AP2B1: variants seen among roughly 807,000 people sequenced by gnomAD.
AP2B1 encodes AP-2 complex subunit beta.
A neutral mutation model predicts 102.0 loss-of-function variants in AP2B1; 23 were observed. That is an observed-to-expected ratio of 0.23 (90% CI 0.16 to 0.32). AP2B1 has a LOEUF of 0.32. Ranked by LOEUF, AP2B1 falls within the 10% of genes least tolerant of loss-of-function variation. The pLI, the probability that AP2B1 is intolerant of heterozygous loss-of-function variation, is 1.00. For missense variants in AP2B1, 541 were observed against 1,157.4 expected, an observed-to-expected ratio of 0.47 and a Z score of 7.73; for synonymous variants, 381 against 421.2, an observed-to-expected ratio of 0.90 and a Z score of 1.17.
intron 13 of AP2B1, among the ~76,000 whole-genome samples, chr17:35,656,355 G>C (rs1286176675): frequency 2.0e-5 from 3 of 152,072 alleles, no homozygotes; most frequent in Non-Finnish European, 4.4e-5. Context: ...GTCCTACCTA[G>C]TCCTTTTAAC....
chr17:35,642,363 T>C (rs1051219474), intron 12 of AP2B1, among the ~76,000 whole-genome samples: 2 of 152,246 alleles, frequency 1.3e-5, no homozygotes, highest in African/African-American at 4.8e-5. Flanking sequence ...TGTTCTACCT[T>C]CCAGAGTAGT....
At chr17:35,664,529 A>G (rs913462463) in intron 14 of AP2B1, among the ~76,000 whole-genome samples, 2 of 152,164 alleles carry the variant, frequency 1.3e-5, no homozygotes, top group Non-Finnish European at 2.9e-5. Context: ...CCTTTTGGTG[A>G]TAATTTTCCC....
Position 35,656,156 on chromosome 17 carries a change from G to A in AP2B1, c.1797-1443G>A, listed in dbSNP as rs1418206329. Among the ~76,000 whole-genome samples the A allele has an allele frequency of 2.6e-5, 4 of 151,868 alleles. No individual in the cohort carries two copies. In the East Asian group the frequency reaches 7.7e-4, roughly 29 times the overall value. On this transcript the variant is annotated intron_variant, in intron 13 of 21. Coordinates refer to ENST00000610402, the MANE Select transcript of AP2B1 (RefSeq NM_001030006.2). The stretch of plus-strand genomic sequence containing the variant: ...TCTTTTGTGGCTACTGCTTTTTGTT[G>A]AAACCATTATCTTCTCCAAGCTTAT...
At chr17:35,679,197 C>T (rs922310168) in intron 17 of AP2B1, among the ~76,000 whole-genome samples, 3 of 152,222 alleles carry the variant, frequency 2.0e-5, no homozygotes, top group South Asian at 4.1e-4. Context: ...AGAACGTTTC[C>T]TTCTTTGCTC....
At chr17:35,643,163 A>G (rs2074832290) in intron 12 of AP2B1, among the ~76,000 whole-genome samples, 1 of 151,466 alleles carries the variant, frequency 6.6e-6, no homozygotes, top group Non-Finnish European at 1.5e-5. Context: ...AAATACACTC[A>G]CAATAGCTGA....
At chr17:35,613,547 A>G (rs1175183748) in intron 5 of AP2B1, among the ~76,000 whole-genome samples, 1 of 152,202 alleles carries the variant, frequency 6.6e-6, no homozygotes, top group Non-Finnish European at 1.5e-5. Context: ...ATCTCACTCT[A>G]TTAAGTCCTA....
chr17:35,626,580 A>C (rs1459239749), intron 6 of AP2B1, 41 bp from the exon 7 acceptor site: 3 of 1,463,994 alleles, frequency 2.0e-6, no homozygotes, highest in South Asian at 2.3e-5. Context: ...TCAGCAAATA[A>C]ATTATAATTC....
intron 14 of AP2B1, among the ~76,000 whole-genome samples, chr17:35,663,596 C>T (rs2075401953): frequency 6.6e-6 from 1 of 152,224 alleles, no homozygotes; most frequent in Non-Finnish European, 1.5e-5. Context: ...CTGGAGTACA[C>T]AGCAGAGTGC....
intron 17 of AP2B1, among the ~76,000 whole-genome samples, chr17:35,675,578 T>G (rs2075681220): frequency 6.6e-6 from 1 of 151,318 alleles, no homozygotes; most frequent in Non-Finnish European, 1.5e-5. Context: ...TCTGTTGTAA[T>G]AAAGGAAATC....
chr17:35,616,283 C>G (rs1233807811), intron 5 of AP2B1, among the ~76,000 whole-genome samples: 1 of 148,772 alleles, frequency 6.7e-6, no homozygotes, highest in Non-Finnish European at 1.5e-5. Context: ...TCATGCCTCA[C>G]ACTTCTGAGT....
intron 12 of AP2B1, 34 bp from the exon 13 acceptor site, chr17:35,650,496 C>A: frequency 6.2e-7 from 1 of 1,604,654 alleles, no homozygotes; most frequent in South Asian, 1.1e-5. Context: ...AGAACAGTTT[C>A]ATCTCCACCT....
chr17:35,594,112 T>C (rs1421082407), intron 2 of AP2B1, 45 bp downstream of exon 2: 1 of 1,428,328 alleles, frequency 7.0e-7, no homozygotes, highest in Admixed American at 2.0e-5. Flanking sequence ...TTTCAAAAGT[T>C]GTAGTGTAAG....
rs138554286 is a variant in AP2B1, at chr17:35,670,959, A to G, written c.2031+61A>G. The G allele has an allele frequency of 1.7e-4, 265 of 1,551,810 alleles. 2 individuals are homozygous for G. In the African/African-American group the frequency reaches 2.8e-3, roughly 17 times the overall value. On this transcript the variant is annotated intron_variant, in intron 15 of 21. Transcript: ENST00000610402. Reference sequence around the variant, plus strand: ...CTGCCCCCTGTTTGATGCCTTTCCTATGTACACATTATCAGACCAGCCACT... The same window carrying G: ...CTGCCCCCTGTTTGATGCCTTTCCTGTGTACACATTATCAGACCAGCCACT...
Position 35,657,735 on chromosome 17 carries a change from G to C in AP2B1, c.1933G>C (p.Val645Leu). ...CGGTCCCCCAGTCAATGTGCCACAG[G>C]TGTCCTCCATGCAGATGGGAGCAGT... ...DLGPPVNVPQ[V>L]SSMQMGAVDL... Residue 645 changes from valine to leucine, a missense_variant, in exon 14 of 22, where the codon GTG (valine) becomes CTG (leucine). Val to Leu is a conservative substitution (Grantham distance 32). Transcript: ENST00000610402. The C allele has an allele frequency of 6.8e-6, 11 of 1,614,144 alleles. No individual in the cohort carries two copies. Among genetic ancestry groups the C allele is most frequent in the Non-Finnish European group, 9.3e-6 (11 of 1,180,024 alleles).
chr17:35,626,547 A>AC (rs1256508000), intron 6 of AP2B1, 74 bp from the exon 7 acceptor site: 1 of 1,253,652 alleles, frequency 8.0e-7, no homozygotes, highest in African/African-American at 1.5e-5. Context: ...TTAGACTCTG[A>AC]CATATTACCT....
At position 35,657,605 on chromosome 17, in the gene AP2B1, T is replaced by A. The variant is rs774080002; in HGVS notation, c.1803T>A (p.Asp601Glu). 4 of 1,613,038 alleles carry A rather than the reference T, an allele frequency of 2.5e-6. No individual in the cohort carries two copies. In the East Asian group the frequency reaches 8.9e-5, roughly 36 times the overall value. The change falls in exon 14 of 22, where the codon GAT becomes GAA. Residue 601 changes from aspartate to glutamate, a missense_variant. By Grantham distance (45) the Asp-to-Glu change is conservative. Transcript: ENST00000610402. The part of the protein sequence containing the change: ...KHLPIHHGST[D>E]AGDSPVGTTT... ...TATGTGTATGTGACTTTAGCACTGA[T>A]GCAGGTGACAGCCCTGTTGGCACTA...
intron 5 of AP2B1, among the ~76,000 whole-genome samples, chr17:35,611,204 T>G (rs1260148972): frequency 6.6e-6 from 1 of 152,226 alleles, no homozygotes; most frequent in Non-Finnish European, 1.5e-5. Flanking sequence ...TCTATAATTC[T>G]CTACCTGAGG....
At chr17:35,630,498 T>C (rs1432452641) in intron 9 of AP2B1, among the ~76,000 whole-genome samples, 1 of 152,226 alleles carries the variant, frequency 6.6e-6, no homozygotes, top group Admixed American at 6.5e-5. Context: ...TTTTGTTCTC[T>C]TCACTAGTGT....
At chr17:35,718,767 G>T (rs185119438) in intron 21 of AP2B1, among the ~76,000 whole-genome samples, 2,580 of 143,410 alleles carry the variant, frequency 0.018, 76 homozygotes, top group African/African-American at 0.062. Flanking sequence ...GGTGTGTGTG[G>T]TTTTTTTTTT....
Sources: gnomAD v4.1 joint callset for allele counts (sites outside exome capture counted in the v4.1 genomes callset) on GRCh38, gnomAD v4.1.1 for gene constraint, MANE v1.5 for transcripts, NCBI Gene and HGNC (gene_info 2026-07-23, HGNC 2026-07-21) for gene names.